Variants in PTPRD observed in about 807,000 individuals in gnomAD.
PTPRD encodes protein tyrosine phosphatase receptor type D.
Under a neutral mutation model 214.5 loss-of-function variants are expected in PTPRD, and 34 were observed. The observed-to-expected ratio is 0.16, with a 90% CI of 0.12 to 0.21. PTPRD has a LOEUF of 0.21. PTPRD is among the 10% of genes least tolerant of loss of function. The pLI is 1.00. For synonymous variants in PTPRD, 1,128 were observed against 845.7 expected, an observed-to-expected ratio of 1.33 and a Z score of -5.79; for missense variants, 2,545 against 2,398.7, an observed-to-expected ratio of 1.06 and a Z score of -1.27.
At chr9:8,583,302 G>A (rs1207316412) in intron 14 of PTPRD, among the ~76,000 whole-genome samples, 1 of 102,554 alleles carries the variant, frequency 9.8e-6, no homozygotes, top group African/African-American at 9.6e-5. Context: ...ATGATCTGTG[G>A]CCCAGGGTTG....
In PTPRD at chr9:8,486,062, T is replaced by C. The variant is rs1277989514; in HGVS notation, c.2755A>G (p.Thr919Ala). Reference sequence around the variant, plus strand: ...GAGTGAAGGTTTTGAGGGAATCCAGTTGGTACTTCTTCTGGAATGGAAATC... The same window carrying C: ...GAGTGAAGGTTTTGAGGGAATCCAGCTGGTACTTCTTCTGGAATGGAAATC... ...KEISIPEEVPTGFPQNLHSEG... is the reference protein window; with the variant it reads ...KEISIPEEVPAGFPQNLHSEG... Residue 919 changes from threonine (T) to alanine (A), a missense_variant, in exon 28 of 46, where the codon ACT (threonine) becomes GCT (alanine). Coordinates refer to ENST00000381196, the MANE Select transcript of PTPRD (RefSeq NM_002839.4). 2 of 1,614,178 alleles carry C rather than the reference T, an allele frequency of 1.2e-6. No individual in the cohort carries two copies. Among genetic ancestry groups the C allele is most frequent in the South Asian group, 1.1e-5 (1 of 91,088 alleles).
At chr9:9,580,630 C>A (rs2090496851) in intron 7 of PTPRD, among the ~76,000 whole-genome samples, 1 of 149,340 alleles carries the variant, frequency 6.7e-6, no homozygotes. Flanking sequence ...CTCACTGCAA[C>A]CTCTGCCTCC....
chr9:9,594,720 T>G (rs1171736394), intron 7 of PTPRD, among the ~76,000 whole-genome samples: 2 of 152,114 alleles, frequency 1.3e-5, no homozygotes, highest in East Asian at 3.9e-4. Flanking sequence ...CTAGATTTAT[T>G]CTTTTTGCTT....
At chr9:9,099,525 ATCT>A (rs1271097170) in intron 10 of PTPRD, among the ~76,000 whole-genome samples, 5 of 152,164 alleles carry the variant, frequency 3.3e-5, no homozygotes, top group Admixed American at 1.3e-4. Context: ...AAGTAACATC[ATCT>A]TCTTCAGTGT....
At chr9:9,686,111 T>G (rs1595192660) in intron 7 of PTPRD, among the ~76,000 whole-genome samples, 1 of 151,374 alleles carries the variant, frequency 6.6e-6, no homozygotes, top group Non-Finnish European at 1.5e-5. Context: ...AACTAGATGC[T>G]CTATATCTGT....
intron 3 of PTPRD, among the ~76,000 whole-genome samples, chr9:10,146,109 G>T (rs1645260954): frequency 1.3e-5 from 2 of 149,960 alleles, no homozygotes; most frequent in African/African-American, 4.9e-5. Flanking sequence ...TATTTTCTTA[G>T]TTTCCTCTCA....
intron 5 of PTPRD, among the ~76,000 whole-genome samples, chr9:9,898,433 T>C (rs1015305374): frequency 2.6e-5 from 4 of 152,066 alleles, no homozygotes; most frequent in Non-Finnish European, 1.5e-5. Flanking sequence ...TCCACTGAAA[T>C]GAGTTTTTTT....
chr9:8,421,606 A>G (rs2131605614), intron 35 of PTPRD, among the ~76,000 whole-genome samples: 1 of 152,278 alleles, frequency 6.6e-6, no homozygotes, highest in South Asian at 2.1e-4. Context: ...AGGCACCTGT[A>G]TCACCCTAAT....
intron 45 of PTPRD, among the ~76,000 whole-genome samples, chr9:8,318,542 T>C (rs1208019350): frequency 6.6e-6 from 1 of 152,086 alleles, no homozygotes; most frequent in Non-Finnish European, 1.5e-5. Context: ...GATGTTCATA[T>C]ACAGCCAGAA....
At chr9:9,164,603 C>A (rs1213840160) in intron 10 of PTPRD, among the ~76,000 whole-genome samples, 3 of 152,086 alleles carry the variant, frequency 2.0e-5, no homozygotes, top group Admixed American at 1.3e-4. Context: ...AGCATAAAAT[C>A]TTTTCTCTTC....
At chr9:8,740,615 C>T (rs1055062564) in intron 11 of PTPRD, among the ~76,000 whole-genome samples, 7 of 152,216 alleles carry the variant, frequency 4.6e-5, no homozygotes, top group South Asian at 2.1e-4. Context: ...AATAGTCAAA[C>T]CTAAAAATAT....
At chr9:9,323,895 T>C (rs2210547) in intron 9 of PTPRD, among the ~76,000 whole-genome samples, 16,782 of 152,234 alleles carry the variant, frequency 0.11, 1,171 homozygotes, top group Non-Finnish European at 0.16. Context: ...TGTGTCCAAG[T>C]GTTCTCATTG....
chr9:8,622,099 G>T (rs561984800), intron 14 of PTPRD, among the ~76,000 whole-genome samples: 1 of 135,504 alleles, frequency 7.4e-6, no homozygotes, highest in South Asian at 2.5e-4. Flanking sequence ...TCCACCTAGA[G>T]CAAAAAAGAA....
intron 11 of PTPRD, among the ~76,000 whole-genome samples, chr9:8,996,814 A>G (rs759051040): frequency 6.6e-6 from 1 of 151,934 alleles, no homozygotes; most frequent in Non-Finnish European, 1.5e-5. Flanking sequence ...TTTACTTAAT[A>G]CTTTTGGGGT....
At chr9:9,193,073 ATGACC>A (rs1246117382) in intron 9 of PTPRD, among the ~76,000 whole-genome samples, 4 of 152,174 alleles carry the variant, frequency 2.6e-5, no homozygotes, top group African/African-American at 9.6e-5. Context: ...TTAAAGGCAT[ATGACC>A]TGACTATGAA....
At chr9:9,350,928 G>A (rs1425503597) in intron 9 of PTPRD, among the ~76,000 whole-genome samples, 1 of 151,978 alleles carries the variant, frequency 6.6e-6, no homozygotes, top group Admixed American at 6.6e-5. Context: ...AATGAACTCT[G>A]ATGATCTTTC....
At chr9:10,028,604 C>A (rs2096977868) in intron 4 of PTPRD, among the ~76,000 whole-genome samples, 1 of 152,122 alleles carries the variant, frequency 6.6e-6, no homozygotes, top group South Asian at 2.1e-4. Flanking sequence ...GCAAAGGTGA[C>A]TTTTGCTATT....
At chr9:9,244,395 G>A (rs1336562746) in intron 9 of PTPRD, among the ~76,000 whole-genome samples, 1 of 152,006 alleles carries the variant, frequency 6.6e-6, no homozygotes, top group African/African-American at 2.4e-5. Flanking sequence ...TATGCTACAA[G>A]TCTACAGTAA....
intron 9 of PTPRD, among the ~76,000 whole-genome samples, chr9:9,384,343 C>CCT (rs2063207087): frequency 3.0e-5 from 1 of 33,316 alleles, no homozygotes; most frequent in Admixed American, 4.1e-4. Context: ...GAAGACTAGG[C>CCT]TTTTTTTTTT....
Sources: gnomAD v4.1 joint callset for allele counts (sites outside exome capture counted in the v4.1 genomes callset) on GRCh38, gnomAD v4.1.1 for gene constraint, MANE v1.5 for transcripts, NCBI Gene and HGNC (gene_info 2026-07-23, HGNC 2026-07-21) for gene names.